The following RAB3GAP2 variants were observed in gnomAD, a reference collection of about 807,000 sequenced individuals.
The protein encoded by RAB3GAP2 is rab3 GTPase-activating protein non-catalytic subunit.
RAB3GAP2 carries 87 observed loss-of-function variants against 185.3 expected under a neutral mutation model. That is an observed-to-expected ratio of 0.47 (90% confidence interval 0.39 to 0.56). RAB3GAP2 has a LOEUF of 0.56. Ranked by LOEUF, RAB3GAP2 falls within the 20% of genes least tolerant of loss-of-function variation. The pLI is 0.00. For missense variants in RAB3GAP2, 1,492 were observed against 1,638.2 expected (o/e 0.91, Z 1.54); for synonymous variants, 554 against 576.1 (o/e 0.96, Z 0.55).
intron 24 of RAB3GAP2, 36 bp downstream of exon 24, chr1:220,170,856 A>T (rs759214226): frequency 6.5e-7 from 1 of 1,537,116 alleles, no homozygotes; most frequent in East Asian, 2.2e-5. Flanking sequence ...TAACATAAAA[A>T]AATGGATGCA....
intron 2 of RAB3GAP2, among the ~76,000 whole-genome samples, chr1:220,219,964 G>T (rs1275130352): frequency 6.6e-6 from 1 of 152,304 alleles, no homozygotes; most frequent in South Asian, 2.1e-4. Flanking sequence ...AAGGGCATTT[G>T]CCTACTAATT....
intron 23 of RAB3GAP2, 30 bp downstream of exon 23, chr1:220,171,859 C>A: frequency 1.2e-6 from 2 of 1,613,934 alleles, no homozygotes; most frequent in Non-Finnish European, 1.7e-6. Context: ...TGGATGTGTA[C>A]AGATCAAAGC....
In RAB3GAP2 at chr1:220,158,284, G is replaced by A. The variant is rs765479467; in HGVS notation, c.3262-408C>T. 6.6e-6 allele frequency among the ~76,000 whole-genome samples: 1 copy of A among 152,122 alleles called. No homozygotes were observed. Among genetic ancestry groups the A allele is most frequent in the African/African-American group, 2.4e-5 (1 of 41,426 alleles). On this transcript the variant is annotated intron_variant, in intron 29 of 34. Coordinates refer to ENST00000358951, the MANE Select transcript of RAB3GAP2 (RefSeq NM_012414.4). This position sits in a 1 kb window ranked among gnomAD's most constrained non-coding sequence, Gnocchi z 4.3. ...AAGCTCCAAGAAAACAGCCTGGTCT[G>A]CTTTCAGAGCGTCTTTTAGAGACTG...
At chr1:220,241,585 A>T (rs143732427) in intron 1 of RAB3GAP2, among the ~76,000 whole-genome samples, 101 of 152,208 alleles carry the variant, frequency 6.6e-4, no homozygotes, top group African/African-American at 2.4e-3. Context: ...ACCCAGCAGT[A>T]CAAAGCTAAA....
intron 28 of RAB3GAP2, among the ~76,000 whole-genome samples, chr1:220,161,395 A>G (rs1161221549): frequency 6.6e-6 from 1 of 152,152 alleles, no homozygotes; most frequent in Non-Finnish European, 1.5e-5. Flanking sequence ...CTGATGCTAC[A>G]CTAATCTACA....
intron 1 of RAB3GAP2, chr1:220,266,410 G>A: frequency 2.3e-6 from 1 of 440,834 alleles, no homozygotes. Context: ...CCTCCTGGGA[G>A]GACACCATGC....
chr1:220,151,336 T>C lies in RAB3GAP2; in HGVS notation c.4097A>G (p.Glu1366Gly). The C allele has an allele frequency of 6.2e-7, 1 of 1,614,146 alleles. No individual in the cohort carries two copies. Among genetic ancestry groups the C allele is most frequent in the Non-Finnish European group, 8.5e-7 (1 of 1,179,994 alleles). ...TTAKLVNKVI[E>G]LLPEKHGQYG... ...TTGCCCATGTTTTTCTGGTAAAAGCTCAATTACTTTATTTACTAGTTTAGC... is the reference window on the plus strand; with the variant it reads ...TTGCCCATGTTTTTCTGGTAAAAGCCCAATTACTTTATTTACTAGTTTAGC... The change falls in exon 35 of 35, where the codon GAG becomes GGG. Residue 1366 changes from glutamate (E) to glycine (G), a missense_variant. By Grantham distance (98) the Glu-to-Gly change is moderately conservative. Coordinates refer to ENST00000358951, the MANE Select transcript of RAB3GAP2 (RefSeq NM_012414.4).
At position 220,151,775 on chromosome 1, in the gene RAB3GAP2, G is replaced by T; in HGVS notation, c.3868-11C>A. ...AACCTGTAGAATGGCCTGAAGATAG[G>T]AACATGGAGAAATAATACAGTCAGA... On this transcript the variant is annotated splice_polypyrimidine_tract_variant and intron_variant, in intron 33 of 34. Transcript: ENST00000358951. 6.3e-7 allele frequency: 1 copy of T among 1,593,634 alleles called. No individual in the cohort carries two copies. The highest frequency in any genetic ancestry group is 1.1e-5 in the South Asian group (1 of 90,604).
At position 220,191,143 on chromosome 1, in the gene RAB3GAP2, C is replaced by T. The variant is rs1227212663; in HGVS notation, c.1412G>A (p.Arg471Lys). 1.2e-6 allele frequency: 2 copies of T among 1,613,984 alleles called. No homozygotes were observed. The highest frequency in any genetic ancestry group is 2.7e-5 in the African/African-American group (2 of 74,912). ...GCTCCACACTTCTAAAATTCCCCTTCTTGGCGCATAGATCACAAGGAATTG... is the reference window on the plus strand; with the variant it reads ...GCTCCACACTTCTAAAATTCCCCTTTTTGGCGCATAGATCACAAGGAATTG... ...VAQFLVIYAP[R>K]RGILEVWSTQ... The change falls in exon 14 of 35, where the codon AGA becomes AAA. Residue 471 changes from arginine (R) to lysine (K), a missense_variant. Physicochemically the swap from Arg to Lys is conservative, Grantham distance 26 (BLOSUM62 2). This residue lies in a region of RAB3GAP2 where 681 missense variants were observed against 689.1 expected (regional missense o/e 0.99). Coordinates refer to ENST00000358951, the MANE Select transcript of RAB3GAP2 (RefSeq NM_012414.4).
Position 220,151,077 on chromosome 1 carries a change from G to C in RAB3GAP2, c.*174C>G. ...TTTATCTTCAGTATTAACCAAAGGA[G>C]TGGAATTTAGCCAGGGTTGCACTTT... On this transcript the variant is annotated 3_prime_UTR_variant, in exon 35 of 35. Coordinates refer to ENST00000358951, the MANE Select transcript of RAB3GAP2 (RefSeq NM_012414.4). The C allele has an allele frequency of 1.6e-6, 1 of 620,298 alleles. No individual in the cohort carries two copies. The highest frequency in any genetic ancestry group is 3.1e-5 in the Admixed American group (1 of 32,634). The allele number at this position is 620,298 out of a possible 1,614,324, so 38.4% of individuals were successfully genotyped here.
chr1:220,181,779 G>A (rs527941411), intron 21 of RAB3GAP2, among the ~76,000 whole-genome samples: 5 of 152,224 alleles, frequency 3.3e-5, no homozygotes, highest in Admixed American at 6.5e-5. Flanking sequence ...GCCAGGCATG[G>A]TGGTTCTTGT....
At chr1:220,211,305 C>A (rs1659080975) in intron 4 of RAB3GAP2, 2 of 538,612 alleles carry the variant, frequency 3.7e-6, no homozygotes, top group African/African-American at 3.7e-5. Context: ...ACTGTATACA[C>A]AACTGAGCAA....
In RAB3GAP2 at chr1:220,162,283, A is replaced by C; in HGVS notation, c.3155-15T>G. ...CAGTGCAATGCCTAGATAGCAAGTA[A>C]AAGTAGTAAATAGAATGCTTATATA... On this transcript the variant is annotated splice_polypyrimidine_tract_variant and intron_variant, in intron 27 of 34. Coordinates refer to ENST00000358951, the MANE Select transcript of RAB3GAP2 (RefSeq NM_012414.4). 1 of 1,547,188 alleles carries C rather than the reference A, an allele frequency of 6.5e-7. No homozygotes were observed. Among genetic ancestry groups the C allele is most frequent in the East Asian group, 2.3e-5 (1 of 44,390 alleles).
chr1:220,190,257 A>G, intron 15 of RAB3GAP2, 111 bp from the exon 16 acceptor site: 9 of 1,515,194 alleles, frequency 5.9e-6, no homozygotes, highest in Non-Finnish European at 8.2e-6. Context: ...AACTTTAAAG[A>G]TATCAGTCTA....
intron 21 of RAB3GAP2, among the ~76,000 whole-genome samples, chr1:220,173,822 C>T (rs1245162185): frequency 6.6e-6 from 1 of 151,960 alleles, no homozygotes; most frequent in Non-Finnish European, 1.5e-5. Flanking sequence ...AGATTGAGAC[C>T]ATCCTGGCTA....
At chr1:220,225,496 CA>C (rs763903925) in intron 2 of RAB3GAP2, among the ~76,000 whole-genome samples, 25 of 152,100 alleles carry the variant, frequency 1.6e-4, no homozygotes, top group African/African-American at 2.2e-4. Flanking sequence ...AGATGCTTAG[CA>C]GAATTATTGG....
chr1:220,270,236 A>T (rs570639024), intron 1 of RAB3GAP2, among the ~76,000 whole-genome samples: 2 of 152,168 alleles, frequency 1.3e-5, no homozygotes, highest in East Asian at 3.9e-4. Context: ...ACTCCTTCTC[A>T]GTCTTCTTCC....
In RAB3GAP2 at chr1:220,266,821, C is replaced by G; in HGVS notation, c.115+5402G>C. 2.5e-6 allele frequency: 4 copies of G among 1,596,778 alleles called. No homozygotes were observed. The South Asian group carries it at 4.4e-5, about 18-fold the overall frequency. ...GCATTGGCCTCTGGCTGGGAACATG[C>G]TTCAACAGTCTTGAAATGAGGTCCC... is the stretch of plus-strand genomic sequence containing the variant. On this transcript the variant is annotated intron_variant, in intron 1 of 34. Transcript: ENST00000358951.
In RAB3GAP2 at chr1:220,202,345, G is replaced by C; in HGVS notation, c.742C>G (p.Pro248Ala). ...AAASGNENIQ[P>A]PPLAYKKWGL... Reference sequence around the variant, plus strand: ...CATTTCTTATAAGCTAATGGTGGTGGTTGTATGTTCTCATTGCCTGATGCT... The same window carrying C: ...CATTTCTTATAAGCTAATGGTGGTGCTTGTATGTTCTCATTGCCTGATGCT... Residue 248 changes from proline (P) to alanine (A), a missense_variant, in exon 9 of 35, where the codon CCA (proline) becomes GCA (alanine). By Grantham distance (27) the Pro-to-Ala change is conservative (BLOSUM62 -1). Coordinates refer to ENST00000358951, the MANE Select transcript of RAB3GAP2 (RefSeq NM_012414.4). 1 of 1,613,772 alleles carries C rather than the reference G, an allele frequency of 6.2e-7. No individual in the cohort carries two copies. The highest frequency in any genetic ancestry group is 8.5e-7 in the Non-Finnish European group (1 of 1,179,876).
Sources: allele counts gnomAD v4.1 joint callset (sites outside exome capture counted in the v4.1 genomes callset), GRCh38; gene constraint gnomAD v4.1.1; regional missense constraint gnomAD v4.1.1; non-coding constraint Gnocchi (gnomAD v3.1); transcripts MANE v1.5; gene names NCBI Gene and HGNC (gene_info 2026-07-23, HGNC 2026-07-21).